C8orf76: variants seen among roughly 807,000 people sequenced by gnomAD.
The protein encoded by C8orf76 is uncharacterized protein C8orf76.
C8orf76 carries 46 observed loss-of-function variants against 38.1 expected under a neutral mutation model. The observed-to-expected ratio is 1.21, with a 90% CI of 0.95 to 1.54. C8orf76 has a LOEUF of 1.54. C8orf76 is among the 40% of genes most tolerant of loss of function. The pLI is 0.00. For missense variants in C8orf76, 461 were observed against 441.6 expected, an observed-to-expected ratio of 1.04 and a Z score of -0.39; for synonymous variants, 166 against 167.5, an observed-to-expected ratio of 0.99 and a Z score of 0.07.
At chr8:123,238,865 C>T in intron 2 of C8orf76, 184 bp downstream of exon 2, 1 of 560,672 alleles carries the variant, frequency 1.8e-6, no homozygotes, top group Non-Finnish European at 3.1e-6. Context: ...TTACAGAAAA[C>T]AAACAAATCA....
intron 5 of C8orf76, among the ~76,000 whole-genome samples, chr8:123,225,174 T>A (rs1441001995): frequency 6.6e-6 from 1 of 152,038 alleles, no homozygotes; most frequent in Non-Finnish European, 1.5e-5. Context: ...ACCGGCTAGT[T>A]TTTTGTATTT....
chr8:123,231,021 T>C lies in C8orf76; in HGVS notation c.815+279A>G, dbSNP rs117441663. On this transcript the variant is annotated intron_variant, in intron 4 of 5. Coordinates refer to ENST00000276704, the MANE Select transcript of C8orf76 (RefSeq NM_032847.3). ...CCATGTTGCTCAGGCTGGTCTCAAATTCGTGAGCTCAAACGATCCACCTGC... is the reference window on the plus strand; with the variant it reads ...CCATGTTGCTCAGGCTGGTCTCAAACTCGTGAGCTCAAACGATCCACCTGC... 6.5e-4 allele frequency among the ~76,000 whole-genome samples: 99 copies of C among 152,210 alleles called. 1 individual carries two copies. In the East Asian group the frequency reaches 0.018, roughly 28 times the overall value.
chr8:123,236,332 G>C (rs1214400414), intron 3 of C8orf76, among the ~76,000 whole-genome samples: 1 of 151,996 alleles, frequency 6.6e-6, no homozygotes, highest in Non-Finnish European at 1.5e-5. Context: ...AGTCCATTTA[G>C]ACTAATTCCC....
At chr8:123,238,239 G>A (rs1825565741) in intron 2 of C8orf76, among the ~76,000 whole-genome samples, 1 of 152,074 alleles carries the variant, frequency 6.6e-6, no homozygotes. Context: ...TATTCTCATG[G>A]TAGTTAGTCT....
At chr8:123,235,656 G>T (rs1044093394) in intron 3 of C8orf76, among the ~76,000 whole-genome samples, 2 of 152,200 alleles carry the variant, frequency 1.3e-5, no homozygotes, top group Non-Finnish European at 2.9e-5. Flanking sequence ...AGGGTTTTCT[G>T]ACTGGTGTTT....
intron 4 of C8orf76, among the ~76,000 whole-genome samples, chr8:123,227,067 TG>T (rs1186713602): frequency 5.3e-5 from 8 of 152,238 alleles, no homozygotes; most frequent in Admixed American, 5.2e-4. Context: ...TCCATCTCGC[TG>T]ACCCCACAGC....
intron 4 of C8orf76, among the ~76,000 whole-genome samples, chr8:123,230,012 C>T (rs542550985): frequency 6.6e-6 from 1 of 151,560 alleles, no homozygotes; most frequent in East Asian, 1.9e-4. Context: ...GCAACTCCGT[C>T]TCAAAAAAAA....
At position 123,228,973 on chromosome 8, in the gene C8orf76, C is replaced by A. The variant is rs562910290; in HGVS notation, c.815+2327G>T. 3.9e-5 allele frequency among the ~76,000 whole-genome samples: 6 copies of A among 152,348 alleles called. No individual in the cohort carries two copies. In the East Asian group the frequency reaches 7.7e-4, roughly 20 times the overall value. On this transcript the variant is annotated intron_variant, in intron 4 of 5. Transcript: ENST00000276704. ...ACCGCTTGCAAGAGTTCAGGTTCATCCACTTAGCATCAGCAATTGACTAAG... is the reference window on the plus strand; with the variant it reads ...ACCGCTTGCAAGAGTTCAGGTTCATACACTTAGCATCAGCAATTGACTAAG...
chr8:123,238,848 G>A, intron 2 of C8orf76: 1 of 521,422 alleles, frequency 1.9e-6, no homozygotes, highest in Non-Finnish European at 3.4e-6. Flanking sequence ...AGATCCTTTT[G>A]TTGGAGTTAC....
chr8:123,223,325 T>G (rs1270779796), intron 5 of C8orf76, among the ~76,000 whole-genome samples: 13 of 152,146 alleles, frequency 8.5e-5, no homozygotes, highest in Non-Finnish European at 1.6e-4. Flanking sequence ...AACAGAGACT[T>G]AGCCGGGTGC....
intron 3 of C8orf76, among the ~76,000 whole-genome samples, chr8:123,234,301 G>A (rs1401752429): frequency 2.0e-5 from 3 of 152,108 alleles, no homozygotes; most frequent in Non-Finnish European, 4.4e-5. Flanking sequence ...GAGAGCTACA[G>A]TCAGTTATAC....
chr8:123,239,226 T>C (rs1825597982), intron 1 of C8orf76, 82 bp from the exon 2 acceptor site: 5 of 1,444,974 alleles, frequency 3.5e-6, no homozygotes, highest in South Asian at 2.3e-5. Flanking sequence ...CATAATATAA[T>C]TGATTAAACG....
intron 4 of C8orf76, 129 bp downstream of exon 4, chr8:123,231,171 C>A (rs767586348): frequency 5.9e-6 from 7 of 1,190,408 alleles, no homozygotes; most frequent in Admixed American, 3.0e-5. Context: ...ACGTTCAACA[C>A]AACCATAGGA....
chr8:123,235,478 A>G (rs530641736), intron 3 of C8orf76, among the ~76,000 whole-genome samples: 4 of 152,344 alleles, frequency 2.6e-5, no homozygotes, highest in African/African-American at 9.6e-5. Context: ...TTAAAAAACA[A>G]AACAAAACAC....
chr8:123,226,225 A>G, intron 5 of C8orf76: 6 of 1,295,452 alleles, frequency 4.6e-6, no homozygotes, highest in Non-Finnish European at 5.9e-6. Flanking sequence ...CAGCACTGAA[A>G]CAAACAATTA....
At chr8:123,224,841 A>G (rs986308108) in intron 5 of C8orf76, among the ~76,000 whole-genome samples, 2 of 152,232 alleles carry the variant, frequency 1.3e-5, no homozygotes, top group African/African-American at 4.8e-5. Context: ...AGTTGAAAAC[A>G]TAAGATACAT....
At chr8:123,231,166 C>G (rs773978140) in intron 4 of C8orf76, 134 bp downstream of exon 4, 7 of 1,138,692 alleles carry the variant, frequency 6.1e-6, no homozygotes, top group Non-Finnish European at 7.2e-6. Flanking sequence ...GACAAACGTT[C>G]AACACAACCA....
chr8:123,239,018 C>G, intron 2 of C8orf76, 31 bp downstream of exon 2: 2 of 1,604,672 alleles, frequency 1.2e-6, no homozygotes, highest in Non-Finnish European at 1.7e-6. Flanking sequence ...AAAACAAGAG[C>G]CCACTTCAAG....
chr8:123,232,104 G>C (rs2131149374), intron 3 of C8orf76, among the ~76,000 whole-genome samples: 1 of 152,294 alleles, frequency 6.6e-6, no homozygotes, highest in East Asian at 1.9e-4. Flanking sequence ...CCAGGTATCT[G>C]AAAGACCCAG....
Sources: gnomAD v4.1 joint callset for allele counts (sites outside exome capture counted in the v4.1 genomes callset) on GRCh38, gnomAD v4.1.1 for gene constraint, MANE v1.5 for transcripts, NCBI Gene and HGNC (gene_info 2026-07-23, HGNC 2026-07-21) for gene names.